The following KRT75 variants were observed in gnomAD, a reference collection of about 807,000 sequenced individuals.
KRT75 encodes keratin, type II cytoskeletal 75.
In KRT75, 35 loss-of-function variants were observed where a neutral mutation model predicts 48.8. That is an observed-to-expected ratio of 0.72 (90% CI 0.55 to 0.95). The LOEUF is 0.95. KRT75 is among the 40% of genes least tolerant of loss of function. The pLI, the probability that KRT75 is intolerant of heterozygous loss-of-function variation, is 0.00. For synonymous variants in KRT75, 301 were observed against 282.3 expected, an observed-to-expected ratio of 1.07 and a Z score of -0.66; for missense variants, 776 against 709.9, an observed-to-expected ratio of 1.09 and a Z score of -1.06.
Position 52,432,065 on chromosome 12 carries a change from A to T in KRT75, c.715T>A (p.Tyr239Asn). 1 of 1,614,068 alleles carries T rather than the reference A, an allele frequency of 6.2e-7. No homozygotes were observed. Among genetic ancestry groups the T allele is most frequent in the Non-Finnish European group, 8.5e-7 (1 of 1,179,996 alleles). ...GTGCGCTTGTTAATTTCATCTTCGT[A>T]CCTATAAGGACAGAGCGGGGGGTGT... ...QDVVEDFKVR[Y>N]EDEINKRTAA... Residue 239 changes from tyrosine (Y) to asparagine (N), a missense_variant and splice_region_variant, in exon 3 of 9, where the codon TAC becomes AAC. Tyr to Asn is a moderately radical substitution (Grantham distance 143, BLOSUM62 -2). Transcript: ENST00000252245.
rs180747231 is a variant in KRT75 at position 52,430,022 on chromosome 12, A to T, written c.1035+519T>A. ...TTAAACCTCTCCCCACTCCTCAGCA[A>T]TCTTTTGTCCCTCATGGCTTCCCAA... On this transcript the variant is annotated intron_variant, in intron 5 of 8. Coordinates refer to ENST00000252245, the MANE Select transcript of KRT75 (RefSeq NM_004693.3). Among the ~76,000 whole-genome samples the T allele has an allele frequency of 1.2e-4, 18 of 152,140 alleles. 1 individual carries two copies. In the East Asian group the frequency reaches 2.1e-3, roughly 18 times the overall value.
At chr12:52,432,269 C>T (rs1225675274) in intron 2 of KRT75, among the ~76,000 whole-genome samples, 2 of 152,134 alleles carry the variant, frequency 1.3e-5, no homozygotes. Flanking sequence ...ATAAACTTTT[C>T]TAAGAGTAGA....
chr12:52,427,602 T>C (rs1940090352), intron 7 of KRT75, among the ~76,000 whole-genome samples: 1 of 152,248 alleles, frequency 6.6e-6, no homozygotes, highest in Non-Finnish European at 1.5e-5. Flanking sequence ...AACTGAATGA[T>C]AGCTAACATT....
rs771780914 is a variant in KRT75 at position 52,432,005 on chromosome 12, C to T, written c.774+1G>A. 1.9e-6 allele frequency: 3 copies of T among 1,614,168 alleles called. No homozygotes were observed. Among genetic ancestry groups the T allele is most frequent in the South Asian group, 2.2e-5 (2 of 91,084 alleles). ...CCTTTGAGAGAAACATCCCCACTCA[C>T]CTTTTTCAGGGCTACAAATTCATTC... On this transcript the variant is annotated splice_donor_variant, in intron 3 of 8. Transcript: ENST00000252245. LOFTEE classifies it high-confidence loss of function.
Position 52,431,582 on chromosome 12 carries a change from C to T in KRT75, c.831G>A (p.Leu277=). Residue 277 remains leucine, a synonymous_variant, in exon 4 of 9, where the codon CTG becomes CTA. Coordinates refer to ENST00000252245, the MANE Select transcript of KRT75 (RefSeq NM_004693.3). ...KVELEAKVKS[L]PEEINFIHSV... ...AGTGGATGAAGTTGATCTCCTCGGG[C>T]AGAGATTTGACCTTGGCTTCCAGCT... 1 of 1,613,990 alleles carries T rather than the reference C, an allele frequency of 6.2e-7. No individual in the cohort carries two copies. Among genetic ancestry groups the T allele is most frequent in the Middle Eastern group, 1.6e-4 (1 of 6,062 alleles).
intron 5 of KRT75, among the ~76,000 whole-genome samples, chr12:52,430,181 A>G (rs1200567226): frequency 6.6e-6 from 1 of 152,114 alleles, no homozygotes; most frequent in Non-Finnish European, 1.5e-5. Flanking sequence ...GCAACCCTGT[A>G]ACCCTGATTG....
In KRT75 at chr12:52,432,017, C is replaced by G. The variant is rs144879206; in HGVS notation, c.763G>C (p.Ala255Pro). The part of the protein sequence containing the change: ...KRTAAENEFV[A>P]LKKDVDAAYM... ...ACATCCCCACTCACCTTTTTCAGGG[C>G]TACAAATTCATTCTCAGCAGCTGTG... The change falls in exon 3 of 9, where the codon GCC (alanine) becomes CCC (proline). Residue 255 changes from alanine to proline, a missense_variant. Physicochemically the swap from Ala to Pro is conservative, Grantham distance 27. Transcript: ENST00000252245. 62 of 1,614,198 alleles carry G rather than the reference C, an allele frequency of 3.8e-5. No individual in the cohort carries two copies. In the African/African-American group the frequency reaches 4.3e-4, roughly 11 times the overall value.
At position 52,424,632 on chromosome 12, in the gene KRT75, G is replaced by A. The variant is rs758728157; in HGVS notation, c.1541C>T (p.Ala514Val). 6.8e-6 allele frequency: 11 copies of A among 1,614,046 alleles called. No homozygotes were observed. The highest frequency in any genetic ancestry group is 9.3e-6 in the Non-Finnish European group (11 of 1,180,008). ...ACTGAATCCAGAACCTCCCAGGCCT[G>A]CACCCAGGCTATGCCCACCACTGGT... ...FTTSGGHSLGAGLGGSGFSAT... is the reference protein window; with the variant it reads ...FTTSGGHSLGVGLGGSGFSAT... The change falls in exon 9 of 9, where the codon GCA becomes GTA. Residue 514 changes from alanine to valine, a missense_variant. Physicochemically the swap from Ala to Val is moderately conservative, Grantham distance 64. Transcript: ENST00000252245.
intron 7 of KRT75, among the ~76,000 whole-genome samples, chr12:52,427,588 A>G (rs1274282387): frequency 6.6e-6 from 1 of 152,256 alleles, no homozygotes; most frequent in East Asian, 1.9e-4. Flanking sequence ...GTCTTTGGCC[A>G]TGAAACTGAA....
At chr12:52,426,211 C>T (rs890489716) in intron 8 of KRT75, among the ~76,000 whole-genome samples, 1 of 152,212 alleles carries the variant, frequency 6.6e-6, no homozygotes, top group African/African-American at 2.4e-5. Context: ...CAGCACAGGG[C>T]CATGCCAGCT....
At chr12:52,428,511 ACAG>A (rs747710509) in intron 6 of KRT75, 35 bp from the exon 7 acceptor site, 5 of 1,612,144 alleles carry the variant, frequency 3.1e-6, no homozygotes, top group Non-Finnish European at 4.2e-6. Flanking sequence ...AGTCCTGCTG[ACAG>A]CCCATGGAGG....
intron 8 of KRT75, 57 bp from the exon 9 acceptor site, chr12:52,424,812 A>G: frequency 7.3e-7 from 1 of 1,375,368 alleles, no homozygotes; most frequent in East Asian, 2.3e-5. Context: ...GACAGCTGGG[A>G]GTGTGAGGGC....
At chr12:52,430,815 A>G (rs1426070588) in intron 4 of KRT75, 110 bp from the exon 5 acceptor site, 3 of 1,225,026 alleles carry the variant, frequency 2.4e-6, no homozygotes, top group Non-Finnish European at 3.6e-6. Context: ...TTCCTGGCAG[A>G]TTCTCCCAGC....
chr12:52,425,662 G>C (rs112517108), intron 8 of KRT75, among the ~76,000 whole-genome samples: 3 of 152,352 alleles, frequency 2.0e-5, no homozygotes, highest in East Asian at 1.9e-4. Context: ...GAGGCTGGAG[G>C]GGGGCTGGGC....
intron 7 of KRT75, chr12:52,428,008 T>C (rs1332925412): frequency 1.8e-6 from 1 of 548,502 alleles, no homozygotes; most frequent in African/African-American, 1.9e-5. Flanking sequence ...ATGTCTCCTT[T>C]GGTAGAATTC....
rs866790442 is a variant in KRT75 at position 52,424,699 on chromosome 12, C to T, written c.1474G>A (p.Gly492Arg). The T allele has an allele frequency of 3.1e-6, 5 of 1,614,150 alleles. No homozygotes were observed. In the South Asian group the frequency reaches 4.4e-5, roughly 14 times the overall value. ...GYGSGSSIGG[G>R]NLGLGGGSGY... ...CTGCCCCCACCGAGGCCCAGGTTTCCACCTCCAATGCTGCTGCCGCTTCCA... is the reference window on the plus strand; with the variant it reads ...CTGCCCCCACCGAGGCCCAGGTTTCTACCTCCAATGCTGCTGCCGCTTCCA... The change falls in exon 9 of 9, where the codon GGA becomes AGA. Residue 492 changes from glycine to arginine, a missense_variant. Gly to Arg is a moderately radical substitution (Grantham distance 125). Coordinates refer to ENST00000252245, the MANE Select transcript of KRT75 (RefSeq NM_004693.3).
At position 52,431,910 on chromosome 12, in the gene KRT75, A is replaced by T. The variant is rs1454802675; in HGVS notation, c.774+96T>A. 3.1e-5 allele frequency: 36 copies of T among 1,154,654 alleles called. No homozygotes were observed. In the East Asian group the frequency reaches 8.2e-4, roughly 26 times the overall value. The allele number at this position is 1,154,654 out of a possible 1,614,324, so 71.5% of individuals were successfully genotyped here. A position where few individuals can be genotyped will look rare whatever the true frequency, so the allele number is the denominator to read the frequency against. On this transcript the variant is annotated intron_variant, in intron 3 of 8. Coordinates refer to ENST00000252245, the MANE Select transcript of KRT75 (RefSeq NM_004693.3). ...TGCAGATATTCTCAAGGTTGATGTGACATTTCTTGGGTGGCCCAAGGGTCA... is the reference window on the plus strand; with the variant it reads ...TGCAGATATTCTCAAGGTTGATGTGTCATTTCTTGGGTGGCCCAAGGGTCA...
chr12:52,424,792 C>T, intron 8 of KRT75, 37 bp from the exon 9 acceptor site: 1 of 1,522,312 alleles, frequency 6.6e-7, no homozygotes, highest in Non-Finnish European at 9.1e-7. Context: ...AGATCAAGTG[C>T]AAGCGAGAAG....
At position 52,434,097 on chromosome 12, in the gene KRT75, G is replaced by C. The variant is rs956268367; in HGVS notation, c.208C>G (p.Arg70Gly). ...RSLYNLGGAK[R>G]VSINGCGSSC... ...CTGCCACACCCATTGATGGAGACCC[G>C]CTTGGCACCCCCCAGGTTGTAGAGG... The change falls in exon 1 of 9, where the codon CGG (arginine) becomes GGG (glycine). Residue 70 changes from arginine to glycine, a missense_variant. By Grantham distance (125) the Arg-to-Gly change is moderately radical. Transcript: ENST00000252245. The C allele has an allele frequency of 6.2e-7, 1 of 1,614,134 alleles. No homozygotes were observed. Among genetic ancestry groups the C allele is most frequent in the Non-Finnish European group, 8.5e-7 (1 of 1,180,018 alleles).
Sources: gnomAD v4.1 joint callset for allele counts (sites outside exome capture counted in the v4.1 genomes callset) on GRCh38, gnomAD v4.1.1 for gene constraint, MANE v1.5 for transcripts, NCBI Gene and HGNC (gene_info 2026-07-23, HGNC 2026-07-21) for gene names.